Variants in DRC11L observed in about 807,000 individuals in gnomAD.
The protein encoded by DRC11L is dynein regulatory complex subunit like-11.
At chr7:151,192,482 G>A in the DRC11L span, 2 of 398,968 alleles carry the variant, frequency 5.0e-6, no homozygotes, top group Admixed American at 8.8e-5. Flanking sequence ...GAGGAGTGGT[G>A]GGGCTGGGGC....
At chr7:151,204,374 CCCAT>C in the DRC11L span, 1 of 395,962 alleles carries the variant, frequency 2.5e-6, no homozygotes. Context: ...GGTGGTCGGC[CCCAT>C]CCCTACCCCA....
chr7:151,193,896 G>A, the DRC11L span, among the ~76,000 whole-genome samples: 2 of 145,638 alleles, frequency 1.4e-5, no homozygotes, highest in Non-Finnish European at 3.0e-5. Context: ...GACAGACTGA[G>A]ACTCTATCTC....
At chr7:151,195,974 A>G in the DRC11L span, 4 of 261,632 alleles carry the variant, frequency 1.5e-5, no homozygotes, top group South Asian at 1.7e-4. Context: ...GGTCTTTGTG[A>G]CCTAAATGAT....
At chr7:151,193,222 C>T in the DRC11L span, 1 of 398,704 alleles carries the variant, frequency 2.5e-6, no homozygotes, top group Admixed American at 4.4e-5. Context: ...GTGACGTGAC[C>T]TCAAAGCCCC....
At chr7:151,199,008 G>A in the DRC11L span, 1 of 399,076 alleles carries the variant, frequency 2.5e-6, no homozygotes. This position sits in a 1 kb window ranked among gnomAD's most constrained non-coding sequence, Gnocchi z 5.2. Context: ...GGGGAGCTGG[G>A]GGAGTGGAAG....
the DRC11L span, chr7:151,194,408 T>C: frequency 2.5e-5 from 10 of 398,424 alleles, no homozygotes; most frequent in Middle Eastern, 6.2e-4. Flanking sequence ...ACTCTCCGAG[T>C]GGCAATCAGG....
chr7:151,203,864 C>G, the DRC11L span, among the ~76,000 whole-genome samples: 1 of 152,182 alleles, frequency 6.6e-6, no homozygotes, highest in Non-Finnish European at 1.5e-5. Context: ...CCCTGCGCCC[C>G]CACCCCCGAC....
chr7:151,196,247 G>T, the DRC11L span, among the ~76,000 whole-genome samples: 1 of 152,206 alleles, frequency 6.6e-6, no homozygotes, highest in African/African-American at 2.4e-5. Flanking sequence ...GGGAACTGAC[G>T]TGGGCAGCAG....
At chr7:151,204,649 G>T in the DRC11L span, 1 of 399,100 alleles carries the variant, frequency 2.5e-6, no homozygotes, top group Admixed American at 4.4e-5. Flanking sequence ...CGCTTCTGCG[G>T]CTGCACCATC....
chr7:151,201,676 G>A, the DRC11L span, among the ~76,000 whole-genome samples: 2 of 152,194 alleles, frequency 1.3e-5, no homozygotes, highest in African/African-American at 4.8e-5. The surrounding 1 kb of genome is among the most constrained non-coding windows in gnomAD (Gnocchi z 4.1). Context: ...AGAGGTTTTT[G>A]AGGTATTGGG....
the DRC11L span, chr7:151,204,534 A>AC: frequency 2.5e-6 from 1 of 398,644 alleles, no homozygotes; most frequent in Non-Finnish European, 4.4e-6. Flanking sequence ...ATCCTGCAGC[A>AC]CGCGGTCCAG....
chr7:151,202,966 C>T, the DRC11L span: 18 of 399,706 alleles, frequency 4.5e-5, no homozygotes, highest in Middle Eastern at 6.2e-4. Flanking sequence ...TCCATCCTCC[C>T]GAATCCTCCC....
the DRC11L span, chr7:151,196,931 G>T: frequency 2.5e-6 from 1 of 399,006 alleles, no homozygotes; most frequent in South Asian, 1.3e-4. Context: ...AGGGCCCCAG[G>T]TCCCACAAGG....
At chr7:151,199,881 C>T in the DRC11L span, among the ~76,000 whole-genome samples, 1 of 152,332 alleles carries the variant, frequency 6.6e-6, no homozygotes, top group Admixed American at 6.5e-5. The surrounding 1 kb of genome is among the most constrained non-coding windows in gnomAD (Gnocchi z 5.2). Flanking sequence ...AGGGGATAGA[C>T]AGATTCAAGG....
the DRC11L span, among the ~76,000 whole-genome samples, chr7:151,201,463 C>G: frequency 1.4e-4 from 22 of 152,336 alleles, no homozygotes; most frequent in Non-Finnish European, 2.5e-4. This position sits in a 1 kb window ranked among gnomAD's most constrained non-coding sequence, Gnocchi z 4.1. Context: ...GTGAGCCCTG[C>G]TGTCGAGAAC....
At chr7:151,194,182 C>T in the DRC11L span, 1 of 397,020 alleles carries the variant, frequency 2.5e-6, no homozygotes, top group Non-Finnish European at 4.4e-6. Flanking sequence ...CTCAGCCACC[C>T]TACCCTGACC....
chr7:151,204,188 G>A, the DRC11L span, among the ~76,000 whole-genome samples: 1 of 152,090 alleles, frequency 6.6e-6, no homozygotes, highest in East Asian at 1.9e-4. Flanking sequence ...TCATGCAGGG[G>A]ACCTCACCCT....
chr7:151,204,537 C>T, the DRC11L span: 10 of 398,740 alleles, frequency 2.5e-5, no homozygotes, highest in African/African-American at 1.9e-4. Flanking sequence ...CTGCAGCACG[C>T]GGTCCAGGCA....
chr7:151,197,827 C>G, the DRC11L span: 2 of 399,134 alleles, frequency 5.0e-6, no homozygotes, highest in South Asian at 2.5e-4. Flanking sequence ...GGTACCTGTT[C>G]TGGCGTTTTG....
Sources: allele counts gnomAD v4.1 joint callset (sites outside exome capture counted in the v4.1 genomes callset), GRCh38; gene constraint gnomAD v4.1.1; non-coding constraint Gnocchi (gnomAD v3.1); transcripts MANE v1.5; gene names NCBI Gene and HGNC (gene_info 2026-07-23, HGNC 2026-07-21).